The following FBXO36 variants were observed in gnomAD, a reference collection of about 807,000 sequenced individuals.
FBXO36 encodes the protein F-box only protein 36.
FBXO36 carries 18 observed loss-of-function variants against 17.0 expected under a neutral mutation model. That is an observed-to-expected ratio of 1.06 (90% CI 0.73 to 1.57). The LOEUF is 1.57. Ranked by LOEUF, FBXO36 falls within the 40% of genes most tolerant of loss-of-function variation. FBXO36 has a pLI of 0.00. For missense variants in FBXO36, 229 were observed against 221.9 expected (o/e 1.03, Z -0.20); for synonymous variants, 83 against 85.3 (o/e 0.97, Z 0.15).
At chr2:229,936,224 T>C (rs2076963222) in intron 1 of FBXO36, among the ~76,000 whole-genome samples, 1 of 151,938 alleles carries the variant, frequency 6.6e-6, no homozygotes, top group Non-Finnish European at 1.5e-5. Context: ...ACTCATCCCC[T>C]CTCTTCCATT....
chr2:229,987,754 TGGAGTA>T (rs2077276390), intron 2 of FBXO36, among the ~76,000 whole-genome samples: 2 of 152,048 alleles, frequency 1.3e-5, no homozygotes, highest in African/African-American at 4.8e-5. Flanking sequence ...CCTCAGCTTC[TGGAGTA>T]GCTGGGACTA....
chr2:230,003,124 C>T (rs572141086), intron 3 of FBXO36, among the ~76,000 whole-genome samples: 1 of 150,002 alleles, frequency 6.7e-6, no homozygotes, highest in Non-Finnish European at 1.5e-5. Flanking sequence ...GCAAGAGAAT[C>T]GCTTGAACCC....
chr2:229,958,293 G>T, intron 1 of FBXO36, among the ~76,000 whole-genome samples: 1 of 109,760 alleles, frequency 9.1e-6, no homozygotes, highest in African/African-American at 3.6e-5. Context: ...TTGAGTCAGA[G>T]TCTCACTCAC....
intron 1 of FBXO36, among the ~76,000 whole-genome samples, chr2:229,967,002 C>T (rs1312921243): frequency 2.0e-5 from 3 of 152,146 alleles, no homozygotes; most frequent in Non-Finnish European, 4.4e-5. Context: ...ATTCTTCCTA[C>T]CCATGAGCAT....
At chr2:229,998,064 A>G (rs559041280) in intron 3 of FBXO36, among the ~76,000 whole-genome samples, 13 of 152,338 alleles carry the variant, frequency 8.5e-5, no homozygotes, top group African/African-American at 2.9e-4. Flanking sequence ...TGTTGGGGCA[A>G]TGTCCATTTA....
chr2:229,927,101 C>T (rs2076916905), intron 1 of FBXO36, among the ~76,000 whole-genome samples: 1 of 152,180 alleles, frequency 6.6e-6, no homozygotes, highest in Admixed American at 6.5e-5. Flanking sequence ...CTCAAGTGAT[C>T]TGCCCGCCTT....
At chr2:229,947,031 G>A (rs1005230930) in intron 1 of FBXO36, among the ~76,000 whole-genome samples, 1 of 152,096 alleles carries the variant, frequency 6.6e-6, no homozygotes, top group African/African-American at 2.4e-5. Flanking sequence ...AGCTGGGCAT[G>A]GTGGCAGGTG....
intron 2 of FBXO36, among the ~76,000 whole-genome samples, chr2:229,986,608 C>T (rs1046946307): frequency 1.3e-5 from 2 of 150,114 alleles, no homozygotes; most frequent in African/African-American, 4.9e-5. Context: ...CATCTTGGCT[C>T]ACCACAGCCT....
Position 229,996,914 on chromosome 2 carries a change from A to G in FBXO36, c.369A>G (p.Arg123=). Residue 123 remains arginine, a synonymous_variant, in exon 3 of 4, where the codon AGA becomes AGG. Coordinates refer to ENST00000283946, the MANE Select transcript of FBXO36 (RefSeq NM_174899.5). ...CCAGGCTTTGTCAAACATCACACAG[A>G]TTTGCAAAGGTAACGGTCAATTATT... ...DIARLCQTSH[R]FAKLCMSDKL... is the part of the protein sequence containing the mutation. 1.9e-6 allele frequency: 3 copies of G among 1,612,086 alleles called. No homozygotes were observed. The highest frequency in any genetic ancestry group is 1.1e-5 in the South Asian group (1 of 90,262).
At chr2:229,941,744 C>T (rs2077000370) in intron 1 of FBXO36, among the ~76,000 whole-genome samples, 1 of 152,140 alleles carries the variant, frequency 6.6e-6, no homozygotes, top group African/African-American at 2.4e-5. Context: ...AGGCCTGGCG[C>T]GGTAGCTCAC....
rs528752555 is a variant in FBXO36 at position 229,993,093 on chromosome 2, C to G, written c.206-3658C>G. 2.6e-5 allele frequency among the ~76,000 whole-genome samples: 4 copies of G among 152,260 alleles called. No homozygotes were observed. In the East Asian group the frequency reaches 7.7e-4, roughly 29 times the overall value. On this transcript the variant is annotated intron_variant, in intron 2 of 3. Coordinates refer to ENST00000283946, the MANE Select transcript of FBXO36 (RefSeq NM_174899.5). ...TCATAATTTACTTTCCAACCTGACT[C>G]TGGCATAACATTATGAGACAAAGAA...
At chr2:229,988,466 A>G (rs1451567716) in intron 2 of FBXO36, among the ~76,000 whole-genome samples, 1 of 152,124 alleles carries the variant, frequency 6.6e-6, no homozygotes, top group African/African-American at 2.4e-5. Context: ...CCTTTTCACC[A>G]GTATATCCAG....
intron 1 of FBXO36, among the ~76,000 whole-genome samples, chr2:229,975,644 A>G (rs903224660): frequency 2.8e-4 from 42 of 151,444 alleles, no homozygotes; most frequent in African/African-American, 8.5e-4. Flanking sequence ...CAGCTCATTT[A>G]AAAAAATTTT....
intron 1 of FBXO36, among the ~76,000 whole-genome samples, chr2:229,950,163 C>T (rs996456850): frequency 6.6e-6 from 1 of 152,076 alleles, no homozygotes; most frequent in Non-Finnish European, 1.5e-5. Context: ...CGCAGTGGCT[C>T]ATGCCTGTAA....
chr2:230,009,866 A>C (rs1375704008), intron 3 of FBXO36, among the ~76,000 whole-genome samples: 3 of 152,174 alleles, frequency 2.0e-5, no homozygotes, highest in Non-Finnish European at 4.4e-5. Flanking sequence ...GAATCACTTG[A>C]ACCCAGTAGG....
At chr2:229,941,629 G>C (rs897072087) in intron 1 of FBXO36, among the ~76,000 whole-genome samples, 2 of 151,734 alleles carry the variant, frequency 1.3e-5, no homozygotes, top group Non-Finnish European at 2.9e-5. Flanking sequence ...GAAGGGACAT[G>C]ACAGTGGGGA....
At chr2:229,936,906 T>C (rs1308589471) in intron 1 of FBXO36, among the ~76,000 whole-genome samples, 1 of 152,142 alleles carries the variant, frequency 6.6e-6, no homozygotes, top group Admixed American at 6.6e-5. Flanking sequence ...AACATTAGTG[T>C]TACTCAGCAT....
At chr2:229,932,172 G>A (rs760952780) in intron 1 of FBXO36, among the ~76,000 whole-genome samples, 1 of 152,026 alleles carries the variant, frequency 6.6e-6, no homozygotes, top group Non-Finnish European at 1.5e-5. Flanking sequence ...ACAAAGTCAG[G>A]AGTTCGAGAC....
chr2:229,935,277 G>C (rs2076958393), intron 1 of FBXO36, among the ~76,000 whole-genome samples: 1 of 152,156 alleles, frequency 6.6e-6, no homozygotes, highest in South Asian at 2.1e-4. Context: ...AAAATCATAA[G>C]AGTCTCAGAT....
Sources: allele counts gnomAD v4.1 joint callset (sites outside exome capture counted in the v4.1 genomes callset), GRCh38; gene constraint gnomAD v4.1.1; transcripts MANE v1.5; gene names NCBI Gene and HGNC (gene_info 2026-07-23, HGNC 2026-07-21).